The following SH3GL2 variants were observed in gnomAD, a reference collection of about 807,000 sequenced individuals.
SH3GL2 encodes the protein endophilin-A1.
Under a neutral mutation model 46.0 loss-of-function variants are expected in SH3GL2, and 24 were observed. The ratio of observed to expected loss-of-function variants is 0.52; its 90% CI spans 0.38 to 0.73. The LOEUF (loss-of-function observed/expected upper bound fraction) is 0.73. SH3GL2 is among the 30% of genes least tolerant of loss of function. SH3GL2 has a pLI of 0.00. For synonymous variants in SH3GL2, 196 were observed against 147.1 expected, an observed-to-expected ratio of 1.33 and a Z score of -2.40; for missense variants, 413 against 424.2, an observed-to-expected ratio of 0.97 and a Z score of 0.23.
chr9:17,746,422 G>A (rs1373551898), intron 1 of SH3GL2, among the ~76,000 whole-genome samples: 1 of 152,156 alleles, frequency 6.6e-6, no homozygotes, highest in African/African-American at 2.4e-5. Flanking sequence ...GTGACTGTTT[G>A]CATTTGTTAT....
At chr9:17,609,833 TG>T (rs1019292820) in intron 1 of SH3GL2, among the ~76,000 whole-genome samples, 3 of 152,112 alleles carry the variant, frequency 2.0e-5, no homozygotes, top group Admixed American at 1.3e-4. Context: ...TCATTGATAA[TG>T]GGGGGTAGGT....
At chr9:17,598,064 TG>T (rs1315309303) in intron 1 of SH3GL2, among the ~76,000 whole-genome samples, 1 of 152,154 alleles carries the variant, frequency 6.6e-6, no homozygotes, top group East Asian at 1.9e-4. Flanking sequence ...CAAAGAACAA[TG>T]CTAGGGCACT....
At chr9:17,700,061 A>T (rs1381351254) in intron 1 of SH3GL2, among the ~76,000 whole-genome samples, 2 of 152,200 alleles carry the variant, frequency 1.3e-5, no homozygotes, top group Non-Finnish European at 2.9e-5. Flanking sequence ...CAAGAAGAAA[A>T]TAGTTCTGGC....
At chr9:17,762,415 AGG>A (rs1491410851) in intron 3 of SH3GL2, among the ~76,000 whole-genome samples, 1 of 145,196 alleles carries the variant, frequency 6.9e-6, no homozygotes, top group Non-Finnish European at 1.5e-5. Context: ...AAAAAAAAAA[AGG>A]GGGCGGGTGT....
At chr9:17,640,849 A>T (rs1027053684) in intron 1 of SH3GL2, among the ~76,000 whole-genome samples, 1 of 152,178 alleles carries the variant, frequency 6.6e-6, no homozygotes, top group African/African-American at 2.4e-5. Flanking sequence ...AGGCCTAATC[A>T]CTTTTTTCTT....
At chr9:17,751,470 T>TTGTTTGTGCGTGTGTGTGTGTGTG (rs1433444435) in intron 2 of SH3GL2, among the ~76,000 whole-genome samples, 3 of 133,032 alleles carry the variant, frequency 2.3e-5, no homozygotes, top group African/African-American at 9.0e-5. Context: ...GTGTGTGTTT[T>TTGTTTGTGCGTGTGTGTGTGTGTG]TGTGTGTGCG....
At position 17,579,090 on chromosome 9, in the gene SH3GL2, C is replaced by A. The variant is rs1237337312; in HGVS notation, c.-153C>A. The A allele has an allele frequency of 4.1e-6, 2 of 486,696 alleles. No individual in the cohort carries two copies. Among genetic ancestry groups the A allele is most frequent in the African/African-American group, 4.1e-5 (2 of 48,350 alleles). The allele number at this position is 486,696 out of a possible 1,614,324, so 30.1% of individuals were successfully genotyped here. A position where few individuals can be genotyped will look rare whatever the true frequency, so the allele number is the denominator to read the frequency against. On this transcript the variant is annotated 5_prime_UTR_variant, in exon 1 of 9. Coordinates refer to ENST00000380607, the MANE Select transcript of SH3GL2 (RefSeq NM_003026.5). ...CGTCAGAGTGTTTCTCCGCAAGAGC[C>A]CGTGTCCCGCTAGGCTCCGCGCCCT... is the stretch of plus-strand genomic sequence containing the variant.
chr9:17,652,173 T>C (rs1039169892), intron 1 of SH3GL2, among the ~76,000 whole-genome samples: 8 of 152,184 alleles, frequency 5.3e-5, no homozygotes, highest in African/African-American at 1.9e-4. Context: ...ATTATTATTT[T>C]CTATTGAAGG....
chr9:17,760,302 T>C (rs961849372), intron 2 of SH3GL2, among the ~76,000 whole-genome samples: 1 of 152,176 alleles, frequency 6.6e-6, no homozygotes, highest in African/African-American at 2.4e-5. Flanking sequence ...CACAGTAATA[T>C]GACTGCCATG....
intron 1 of SH3GL2, among the ~76,000 whole-genome samples, chr9:17,703,586 A>G (rs904146727): frequency 1.3e-5 from 2 of 152,114 alleles, no homozygotes; most frequent in African/African-American, 4.8e-5. Flanking sequence ...CCAGTAGCAC[A>G]TCAAAAAGCT....
At chr9:17,778,392 A>G (rs551384670) in intron 3 of SH3GL2, among the ~76,000 whole-genome samples, 1 of 152,264 alleles carries the variant, frequency 6.6e-6, no homozygotes, top group East Asian at 1.9e-4. Context: ...TGATCAGTGC[A>G]GTGAATTAAA....
At chr9:17,647,988 A>G (rs533746794) in intron 1 of SH3GL2, among the ~76,000 whole-genome samples, 27 of 152,354 alleles carry the variant, frequency 1.8e-4, no homozygotes, top group African/African-American at 6.3e-4. Context: ...ATGCACTTCT[A>G]TTTAATGGAC....
At chr9:17,736,044 C>G (rs1822325270) in intron 1 of SH3GL2, among the ~76,000 whole-genome samples, 1 of 152,042 alleles carries the variant, frequency 6.6e-6, no homozygotes. Context: ...AAGTCAGCCC[C>G]AGTGCAGGCA....
At chr9:17,737,181 A>T (rs993601207) in intron 1 of SH3GL2, among the ~76,000 whole-genome samples, 1 of 151,960 alleles carries the variant, frequency 6.6e-6, no homozygotes, top group Admixed American at 6.6e-5. Flanking sequence ...AGAGGGGAAC[A>T]CCACACACTG....
At position 17,793,514 on chromosome 9, in the gene SH3GL2, C is replaced by G. The variant is rs1333731566; in HGVS notation, c.859+17C>G. 4.3e-6 allele frequency: 7 copies of G among 1,612,196 alleles called. No homozygotes were observed. Among genetic ancestry groups the G allele is most frequent in the Non-Finnish European group, 5.9e-6 (7 of 1,179,168 alleles). On this transcript the variant is annotated intron_variant, in intron 8 of 8. Transcript: ENST00000380607. ...AACCTTCAGGTAAGAGCTGAAACTGCAGATCCTATTGCATAGCCCTTGGCA... is the reference window on the plus strand; with the variant it reads ...AACCTTCAGGTAAGAGCTGAAACTGGAGATCCTATTGCATAGCCCTTGGCA...
chr9:17,602,213 C>T (rs1277211799), intron 1 of SH3GL2, among the ~76,000 whole-genome samples: 3 of 152,142 alleles, frequency 2.0e-5, no homozygotes, highest in African/African-American at 7.2e-5. Flanking sequence ...TCCTCAGGAT[C>T]AGAGTAGGGA....
At chr9:17,626,982 A>G (rs888678703) in intron 1 of SH3GL2, among the ~76,000 whole-genome samples, 1 of 152,080 alleles carries the variant, frequency 6.6e-6, no homozygotes, top group Non-Finnish European at 1.5e-5. Flanking sequence ...AATCTTCTTT[A>G]ACCTCCACTT....
chr9:17,770,720 G>A (rs1823452638), intron 3 of SH3GL2, among the ~76,000 whole-genome samples: 1 of 152,212 alleles, frequency 6.6e-6, no homozygotes, highest in Non-Finnish European at 1.5e-5. Flanking sequence ...ACACTGCCAT[G>A]TTATGACAGC....
In SH3GL2 at chr9:17,625,883, A is replaced by G. The variant is rs1358782705; in HGVS notation, c.45+46596A>G. ...TGTGTCTTCATGGGAAACCTGTCCCAGGAGGTATGTCTTAAACCCCATGCT... is the reference window on the plus strand; with the variant it reads ...TGTGTCTTCATGGGAAACCTGTCCCGGGAGGTATGTCTTAAACCCCATGCT... On this transcript the variant is annotated intron_variant, in intron 1 of 8. Transcript: ENST00000380607. Among the ~76,000 whole-genome samples, 4 of 152,354 alleles carry G rather than the reference A, an allele frequency of 2.6e-5. No individual in the cohort carries two copies. In the South Asian group the frequency reaches 8.3e-4, roughly 32 times the overall value.
Sources: gnomAD v4.1 joint callset for allele counts (sites outside exome capture counted in the v4.1 genomes callset) on GRCh38, gnomAD v4.1.1 for gene constraint, MANE v1.5 for transcripts, NCBI Gene and HGNC (gene_info 2026-07-23, HGNC 2026-07-21) for gene names.